The following CDH12 variants were observed in gnomAD, a reference collection of about 807,000 sequenced individuals.
The protein encoded by CDH12 is cadherin 12, also known as cadherin-12.
In CDH12, 41 loss-of-function variants were observed where a neutral mutation model predicts 74.1. That is an observed-to-expected ratio of 0.55 (90% CI 0.43 to 0.72). CDH12 has a LOEUF of 0.72. Among genes scored for constraint, CDH12 ranks in the 30% least tolerant of loss-of-function variants. The probability of loss-of-function intolerance (pLI) is 0.00; values close to 1 mark genes in which losing one functional copy is unlikely to be tolerated. For missense variants in CDH12, 945 were observed against 977.2 expected (o/e 0.97, Z 0.44); for synonymous variants, 399 against 355.0 (o/e 1.12, Z -1.39).
At chr5:22,010,260 G>A (rs1418637355) in intron 5 of CDH12, among the ~76,000 whole-genome samples, 3 of 152,112 alleles carry the variant, frequency 2.0e-5, no homozygotes, top group African/African-American at 7.2e-5. Flanking sequence ...TTAATGGATT[G>A]TAAAATTTTC....
At chr5:21,832,939 T>TC (rs1561224170) in intron 8 of CDH12, among the ~76,000 whole-genome samples, 1 of 68,392 alleles carries the variant, frequency 1.5e-5, no homozygotes, top group Non-Finnish European at 2.2e-5. Context: ...ATATATTATA[T>TC]ATAATATCAT....
At chr5:22,264,999 C>A (rs546815337) in intron 3 of CDH12, among the ~76,000 whole-genome samples, 21 of 152,270 alleles carry the variant, frequency 1.4e-4, no homozygotes, top group Middle Eastern at 3.4e-3. Context: ...TGAGAACATT[C>A]TTTTCACAAT....
rs571576015 is a variant in CDH12, at chr5:21,789,406, C to T, written c.1257-5912G>A. On this transcript the variant is annotated intron_variant, in intron 10 of 14. Transcript: ENST00000382254. The stretch of plus-strand genomic sequence containing the variant: ...GGGGAGCAGGTTCTGGGTTAAGTGT[C>T]ACTGTCTTTTGCTATTCTTACCAAG... Among the ~76,000 whole-genome samples the T allele has an allele frequency of 7.6e-4, 116 of 152,182 alleles. 1 individual carries two copies. In the South Asian group the frequency reaches 0.023, roughly 30 times the overall value.
At chr5:21,885,429 C>T (rs894396309) in intron 6 of CDH12, among the ~76,000 whole-genome samples, 7 of 152,064 alleles carry the variant, frequency 4.6e-5, no homozygotes, top group African/African-American at 1.7e-4. Context: ...GGTTATATGC[C>T]TGTTGAATTG....
rs1738544436 is a variant in CDH12 at position 22,630,806 on chromosome 5, G to A, written c.-522-125442C>T. Among the ~76,000 whole-genome samples, 2 of 152,072 alleles carry A rather than the reference G, an allele frequency of 1.3e-5. 1 individual carries two copies. Among genetic ancestry groups the A allele is most frequent in the South Asian group, 4.1e-4 (2 of 4,830 alleles). On this transcript the variant is annotated intron_variant, in intron 1 of 14. Coordinates refer to ENST00000382254, the MANE Select transcript of CDH12 (RefSeq NM_004061.5). Reference sequence around the variant, plus strand: ...AAAAATGAGATTTAAGTAAACTAAAGAGGTTCTGCACAACAAAGGAAACTA... The same window carrying A: ...AAAAATGAGATTTAAGTAAACTAAAAAGGTTCTGCACAACAAAGGAAACTA...
chr5:22,622,210 A>T (rs1738009681), intron 1 of CDH12, among the ~76,000 whole-genome samples: 1 of 152,208 alleles, frequency 6.6e-6, no homozygotes, highest in Non-Finnish European at 1.5e-5. Flanking sequence ...AAGCTGTTAT[A>T]AATAAGCTAT....
intron 6 of CDH12, among the ~76,000 whole-genome samples, chr5:21,906,870 T>C (rs1487019249): frequency 6.6e-6 from 1 of 152,112 alleles, no homozygotes; most frequent in Non-Finnish European, 1.5e-5. Flanking sequence ...AGAGACGAAG[T>C]CTCTCTTTGT....
chr5:22,378,891 T>C (rs1430967278), intron 3 of CDH12, among the ~76,000 whole-genome samples: 1 of 152,142 alleles, frequency 6.6e-6, no homozygotes, highest in African/African-American at 2.4e-5. Flanking sequence ...TATGGCTTGA[T>C]GAATAATTTC....
At chr5:22,310,326 A>T (rs1224994723) in intron 3 of CDH12, among the ~76,000 whole-genome samples, 1 of 151,722 alleles carries the variant, frequency 6.6e-6, no homozygotes, top group Non-Finnish European at 1.5e-5. Flanking sequence ...GCCAGACATG[A>T]TGGCAGACAC....
chr5:22,820,559 C>A (rs568791473), intron 1 of CDH12, among the ~76,000 whole-genome samples: 29 of 152,174 alleles, frequency 1.9e-4, no homozygotes, highest in African/African-American at 7.0e-4. Flanking sequence ...GATATCACCA[C>A]CGATCCCACA....
intron 1 of CDH12, among the ~76,000 whole-genome samples, chr5:22,840,193 G>A (rs1245583963): frequency 3.3e-5 from 5 of 151,960 alleles, no homozygotes; most frequent in South Asian, 2.1e-4. Flanking sequence ...CGATCTTGGC[G>A]CGCTGCAACC....
At chr5:21,916,891 T>TA (rs1345708881) in intron 6 of CDH12, among the ~76,000 whole-genome samples, 1 of 152,214 alleles carries the variant, frequency 6.6e-6, no homozygotes, top group Non-Finnish European at 1.5e-5. Context: ...TTCACTCACG[T>TA]AGGCTCTCTA....
intron 1 of CDH12, among the ~76,000 whole-genome samples, chr5:22,583,019 C>A (rs572725842): frequency 1.3e-5 from 2 of 152,040 alleles, no homozygotes; most frequent in Non-Finnish European, 2.9e-5. Flanking sequence ...GAGAGAAAAG[C>A]GCACTTTGAA....
chr5:22,508,586 T>C (rs1408728867), intron 1 of CDH12, among the ~76,000 whole-genome samples: 1 of 152,190 alleles, frequency 6.6e-6, no homozygotes, highest in Non-Finnish European at 1.5e-5. Flanking sequence ...TTGTCATCTG[T>C]TGTCTCTAAG....
intron 3 of CDH12, among the ~76,000 whole-genome samples, chr5:22,235,622 AT>A (rs1752535726): frequency 6.6e-6 from 1 of 152,052 alleles, no homozygotes; most frequent in African/African-American, 2.4e-5. Flanking sequence ...AAATTATCTT[AT>A]ATAATATTCC....
chr5:22,259,507 T>C (rs1241073466), intron 3 of CDH12, among the ~76,000 whole-genome samples: 1 of 152,060 alleles, frequency 6.6e-6, no homozygotes, highest in Non-Finnish European at 1.5e-5. Context: ...TCGTTCTAAT[T>C]ATGAATAATT....
intron 1 of CDH12, among the ~76,000 whole-genome samples, chr5:22,554,168 A>T (rs1448639531): frequency 1.3e-5 from 2 of 152,160 alleles, no homozygotes; most frequent in Non-Finnish European, 2.9e-5. Flanking sequence ...GGGTGGAATG[A>T]ATACATGCAA....
At chr5:22,330,921 C>T (rs1739324119) in intron 3 of CDH12, among the ~76,000 whole-genome samples, 1 of 151,984 alleles carries the variant, frequency 6.6e-6, no homozygotes, top group Non-Finnish European at 1.5e-5. Flanking sequence ...GGTGAGCACA[C>T]TGCCCTAAAG....
chr5:22,350,212 A>C (rs1235909933), intron 3 of CDH12, among the ~76,000 whole-genome samples: 1 of 152,250 alleles, frequency 6.6e-6, no homozygotes, highest in African/African-American at 2.4e-5. Context: ...TCAACAAATT[A>C]TATAAATCAC....
Sources: allele counts gnomAD v4.1 joint callset (sites outside exome capture counted in the v4.1 genomes callset), GRCh38; gene constraint gnomAD v4.1.1; transcripts MANE v1.5; gene names NCBI Gene and HGNC (gene_info 2026-07-23, HGNC 2026-07-21).